The following MTUS2 variants were observed in gnomAD, a reference collection of about 807,000 sequenced individuals.
MTUS2 encodes the protein microtubule-associated tumor suppressor candidate 2.
In MTUS2, 40 loss-of-function variants were observed where a neutral mutation model predicts 114.1. The observed-to-expected ratio is 0.35, with a 90% CI of 0.27 to 0.46. The LOEUF (loss-of-function observed/expected upper bound fraction) is 0.46. Ranked by LOEUF, MTUS2 falls within the 20% of genes least tolerant of loss-of-function variation. MTUS2 has a pLI of 1.00. For synonymous variants in MTUS2, 688 were observed against 672.0 expected (o/e 1.02, Z -0.37); for missense variants, 1,679 against 1,705.4 (o/e 0.98, Z 0.27).
chr13:29,490,390 A>ATTGAAT (rs1036489929), intron 11 of MTUS2, among the ~76,000 whole-genome samples: 1 of 152,218 alleles, frequency 6.6e-6, no homozygotes, highest in African/African-American at 2.4e-5. Flanking sequence ...ATGCAGGCCG[A>ATTGAAT]TTAATGAGAC....
At chr13:28,854,849 T>C (rs1236361573) in intron 2 of MTUS2, among the ~76,000 whole-genome samples, 1 of 152,202 alleles carries the variant, frequency 6.6e-6, no homozygotes, top group Non-Finnish European at 1.5e-5. Context: ...TTCCGTGGCG[T>C]GTCCAGTAGC....
rs138520731 is a variant in MTUS2 at position 29,202,725 on chromosome 13, C to T, written c.2645-78979C>T. ...TCCTTTTTGTTAATGTTATGCTATT[C>T]CTTTCTGTTTGTTAGTTTTCCTTCT... On this transcript the variant is annotated intron_variant, in intron 5 of 15. Coordinates refer to ENST00000612955, the MANE Select transcript of MTUS2 (RefSeq NM_001033602.4). 4.4e-3 allele frequency among the ~76,000 whole-genome samples: 666 copies of T among 152,220 alleles called. 2 individuals carry two copies. Among genetic ancestry groups the T allele is most frequent in the Non-Finnish European group, 5.2e-3 (351 of 68,024 alleles).
chr13:29,441,993 G>A (rs1015511588), intron 9 of MTUS2, among the ~76,000 whole-genome samples: 1 of 152,156 alleles, frequency 6.6e-6, no homozygotes, highest in Non-Finnish European at 1.5e-5. Context: ...TGACTCTGAG[G>A]CCTCTCCTCC....
chr13:29,487,745 T>G (rs1881733016), intron 10 of MTUS2, 155 bp from the exon 11 acceptor site: 1 of 656,820 alleles, frequency 1.5e-6, no homozygotes, highest in East Asian at 2.7e-5. Flanking sequence ...TTCCGAGGGC[T>G]GCCACATCAC....
At chr13:29,063,711 G>A (rs1888527369) in intron 4 of MTUS2, among the ~76,000 whole-genome samples, 1 of 152,146 alleles carries the variant, frequency 6.6e-6, no homozygotes, top group Non-Finnish European at 1.5e-5. Context: ...AACAAGCACA[G>A]TCTGGGCAGC....
rs1566203503 is a variant in MTUS2 at position 28,894,283 on chromosome 13, G to GT, written c.-243+54433_-243+54434insT. The stretch of plus-strand genomic sequence containing the variant: ...TATAAGAAGAAGGAGAGTTGGTGGG[G>GT]GGGGGGGAGAGAGAGAGAGAGGGGG... On this transcript the variant is annotated intron_variant, in intron 2 of 15. Coordinates refer to ENST00000612955, the MANE Select transcript of MTUS2 (RefSeq NM_001033602.4). Among the ~76,000 whole-genome samples the GT allele has an allele frequency of 5.2e-5, 2 of 38,290 alleles. 1 individual carries two copies. The highest frequency in any genetic ancestry group is 4.2e-4 in the African/African-American group (2 of 4,794). The allele number at this position is 38,290 out of a possible 152,430, so 25.1% of individuals were successfully genotyped here. A position where few individuals can be genotyped will look rare whatever the true frequency, so the allele number is the denominator to read the frequency against.
In MTUS2 at chr13:29,033,893, C is replaced by T. The variant is rs990108229; in HGVS notation, c.2214C>T (p.Asp738=). 1 of 1,613,748 alleles carries T rather than the reference C, an allele frequency of 6.2e-7. No individual in the cohort carries two copies. Among genetic ancestry groups the T allele is most frequent in the African/African-American group, 1.3e-5 (1 of 74,910 alleles). ...MSEKFLQEVT[D]HPGKEEFCSP... is the part of the protein sequence containing the mutation. ...TTGTTCATTTATCATAGGTTACAGA[C>T]CACCCTGGAAAAGAAGAGTTTTGTT... is the stretch of plus-strand genomic sequence containing the variant. Residue 738 remains aspartate, a synonymous_variant, in exon 4 of 16, where the codon GAC becomes GAT. Coordinates refer to ENST00000612955, the MANE Select transcript of MTUS2 (RefSeq NM_001033602.4).
chr13:29,072,794 A>G (rs1889001251), intron 4 of MTUS2, among the ~76,000 whole-genome samples: 1 of 152,206 alleles, frequency 6.6e-6, no homozygotes, highest in South Asian at 2.1e-4. Flanking sequence ...TAGATTTAGA[A>G]TCAGTTAAAA....
rs1162980953 is a variant in MTUS2, at chr13:29,505,600, T to A, written c.*2394T>A. 2.2e-5 allele frequency: 5 copies of A among 231,588 alleles called. No individual in the cohort carries two copies. The highest frequency in any genetic ancestry group is 1.8e-4 in the South Asian group (1 of 5,508). 14.3% of individuals were successfully genotyped at this position (231,588 alleles called of 1,614,324 possible). ...CCCCCCCACACCATCAGAATTCGGA[T>A]TTCTCTCCACGTGGCGTCTGCCTCT... On this transcript the variant is annotated 3_prime_UTR_variant, in exon 16 of 16. Transcript: ENST00000612955.
At chr13:29,401,662 A>G (rs1332596335) in intron 8 of MTUS2, among the ~76,000 whole-genome samples, 1 of 152,200 alleles carries the variant, frequency 6.6e-6, no homozygotes, top group East Asian at 1.9e-4. Flanking sequence ...GTTCCAAAAT[A>G]TGAACGGTTC....
chr13:28,990,934 C>T (rs1378278999), intron 2 of MTUS2, among the ~76,000 whole-genome samples: 4 of 151,882 alleles, frequency 2.6e-5, no homozygotes, highest in African/African-American at 4.8e-5. Context: ...TCCGGATGCG[C>T]CACCTTTAAG....
chr13:29,021,341 C>G (rs1298639130), intron 2 of MTUS2, among the ~76,000 whole-genome samples: 1 of 152,202 alleles, frequency 6.6e-6, no homozygotes, highest in African/African-American at 2.4e-5. Flanking sequence ...CTTTCTGTCC[C>G]CTTACCAGTG....
intron 8 of MTUS2, among the ~76,000 whole-genome samples, chr13:29,369,218 A>G (rs1163980849): frequency 1.3e-5 from 2 of 152,158 alleles, no homozygotes; most frequent in African/African-American, 2.4e-5. Context: ...TGGTTCCTCT[A>G]TTATCAAACG....
chr13:29,439,616 T>C (rs1261864862), intron 8 of MTUS2, among the ~76,000 whole-genome samples: 10 of 152,194 alleles, frequency 6.6e-5, no homozygotes, highest in Non-Finnish European at 8.8e-5. Context: ...ACTTTTTTAA[T>C]GGTCGGAAAT....
At chr13:29,310,203 C>G (rs1899689438) in intron 6 of MTUS2, among the ~76,000 whole-genome samples, 1 of 152,162 alleles carries the variant, frequency 6.6e-6, no homozygotes, top group Non-Finnish European at 1.5e-5. Flanking sequence ...GGAGTAGCTA[C>G]TGTTGTCACC....
At chr13:29,022,379 T>C (rs1886328426) in intron 2 of MTUS2, among the ~76,000 whole-genome samples, 1 of 152,200 alleles carries the variant, frequency 6.6e-6, no homozygotes, top group African/African-American at 2.4e-5. Context: ...ATATACATTT[T>C]ATTAAATAGA....
rs150907830 is a variant in MTUS2 at position 28,914,402 on chromosome 13, G to A, written c.-243+74552G>A. Among the ~76,000 whole-genome samples the A allele has an allele frequency of 1.5e-3, 227 of 152,142 alleles. 2 individuals are homozygous for A. In the East Asian group the frequency reaches 0.04, roughly 27 times the overall value. Reference sequence around the variant, plus strand: ...AGTTTATTTTCCATGTAGTTTTGTGGTTTTGAGTGAGTTTCTTAATCTTGA... The same window carrying A: ...AGTTTATTTTCCATGTAGTTTTGTGATTTTGAGTGAGTTTCTTAATCTTGA... On this transcript the variant is annotated intron_variant, in intron 2 of 15. Coordinates refer to ENST00000612955, the MANE Select transcript of MTUS2 (RefSeq NM_001033602.4).
At chr13:29,293,231 C>A (rs1247466354) in intron 6 of MTUS2, among the ~76,000 whole-genome samples, 2 of 152,006 alleles carry the variant, frequency 1.3e-5, no homozygotes, top group Non-Finnish European at 2.9e-5. Context: ...GCAGTTTAAA[C>A]AACCCCTGAA....
At chr13:29,045,704 CT>C (rs1566321533) in intron 4 of MTUS2, among the ~76,000 whole-genome samples, 1 of 152,108 alleles carries the variant, frequency 6.6e-6, no homozygotes, top group African/African-American at 2.4e-5. Context: ...GATGATGATG[CT>C]TCTTTTTTCA....
Sources: allele counts gnomAD v4.1 joint callset (sites outside exome capture counted in the v4.1 genomes callset), GRCh38; gene constraint gnomAD v4.1.1; transcripts MANE v1.5; gene names NCBI Gene and HGNC (gene_info 2026-07-23, HGNC 2026-07-21).